The following NUCB1 variants were observed in gnomAD, a reference collection of about 807,000 sequenced individuals.
The protein encoded by NUCB1 is nucleobindin 1.
NUCB1 carries 47 observed loss-of-function variants against 61.2 expected under a neutral mutation model. The ratio of observed to expected loss-of-function variants is 0.77; its 90% CI spans 0.61 to 0.98. NUCB1 has a LOEUF of 0.98. Among genes scored for constraint, NUCB1 ranks in the 50% least tolerant of loss-of-function variants. The pLI, the probability that NUCB1 is intolerant of heterozygous loss-of-function variation, is 0.00. For missense variants in NUCB1, 583 were observed against 605.3 expected (o/e 0.96, Z 0.39); for synonymous variants, 234 against 243.1 (o/e 0.96, Z 0.35).
chr19:48,915,155 A>G (rs2037525000), intron 7 of NUCB1, among the ~76,000 whole-genome samples: 1 of 152,066 alleles, frequency 6.6e-6, no homozygotes. Context: ...GTGATAAAAT[A>G]GAAGAACACA....
chr19:48,904,226 G>T (rs1019685044), intron 2 of NUCB1, 121 bp from the exon 3 acceptor site: 2 of 613,380 alleles, frequency 3.3e-6, no homozygotes, highest in African/African-American at 3.6e-5. Context: ...GCATATGTGG[G>T]AAAAGGTAAA....
At chr19:48,916,171 C>CGTGTGTGTGTGTGTGTGTGTGTGT (rs143557740) in intron 7 of NUCB1, among the ~76,000 whole-genome samples, 5 of 147,788 alleles carry the variant, frequency 3.4e-5, no homozygotes, top group African/African-American at 1.2e-4. Context: ...TGGTATTTGT[C>CGTGTGTGTGTGTGTGTGTGTGTGT]GTGTGTGTGT....
intron 4 of NUCB1, among the ~76,000 whole-genome samples, chr19:48,906,405 A>G (rs972266553): frequency 1.5e-4 from 22 of 147,468 alleles, no homozygotes; most frequent in Non-Finnish European, 2.9e-4. Context: ...CTCTGACTCA[A>G]AAAAAAAAAA....
At chr19:48,919,441 T>C (rs889294978) in intron 10 of NUCB1, among the ~76,000 whole-genome samples, 155 bp downstream of exon 10, 4 of 151,328 alleles carry the variant, frequency 2.6e-5, no homozygotes, top group Admixed American at 1.3e-4. Flanking sequence ...TTTTCCCCTG[T>C]CTCTAGGACT....
rs143797038 is a variant in NUCB1, at chr19:48,908,899, G to A, written c.377-2250G>A. Among the ~76,000 whole-genome samples, 533 of 152,150 alleles carry A rather than the reference G, an allele frequency of 3.5e-3. 4 individuals are homozygous for A. Among genetic ancestry groups the A allele is most frequent in the African/African-American group, 0.012 (513 of 41,504 alleles). On this transcript the variant is annotated intron_variant, in intron 4 of 12. Coordinates refer to ENST00000405315, the MANE Select transcript of NUCB1 (RefSeq NM_006184.6). ...CGTGCGGTAAGTGTGTGTTGGCAGC[G>A]TGTGCGCTGTCCTTTCCTGCCTGGA...
At chr19:48,918,637 C>CCCCA in intron 7 of NUCB1, 89 bp from the exon 8 acceptor site, 1 of 1,017,000 alleles carries the variant, frequency 9.8e-7, no homozygotes, top group African/African-American at 1.6e-5. Context: ...TGATAACAGA[C>CCCCA]CCCACATCAG....
chr19:48,908,287 T>C (rs915984137), intron 4 of NUCB1, among the ~76,000 whole-genome samples: 18 of 152,118 alleles, frequency 1.2e-4, no homozygotes, highest in Admixed American at 6.6e-5. Flanking sequence ...CCCGCCACCA[T>C]ACCTGGCTAA....
chr19:48,922,830 C>T lies in NUCB1; in HGVS notation c.*406C>T, dbSNP rs1329802745. On this transcript the variant is annotated 3_prime_UTR_variant, in exon 13 of 13. Transcript: ENST00000405315. Reference sequence around the variant, plus strand: ...GTATGCCCACAGCTACTGGAATCCCCGCTGCTGCTCCGGGCCAAGCTTCTG... The same window carrying T: ...GTATGCCCACAGCTACTGGAATCCCTGCTGCTGCTCCGGGCCAAGCTTCTG... 4.3e-5 allele frequency: 8 copies of T among 187,246 alleles called. No homozygotes were observed. The highest frequency in any genetic ancestry group is 5.8e-5 in the Admixed American group (1 of 17,362). 11.6% of individuals were successfully genotyped at this position (187,246 alleles called of 1,614,324 possible). A position where few individuals can be genotyped will look rare whatever the true frequency, so the allele number is the denominator to read the frequency against.
intron 2 of NUCB1, among the ~76,000 whole-genome samples, chr19:48,903,408 G>A (rs138618172): frequency 0.011 from 1,036 of 97,676 alleles, 7 homozygotes; most frequent in South Asian, 0.017. Flanking sequence ...ATGGATGGGC[G>A]GGTGGATGGA....
chr19:48,912,388 A>G (rs192271216), intron 5 of NUCB1, among the ~76,000 whole-genome samples: 167 of 152,040 alleles, frequency 1.1e-3, no homozygotes, highest in Non-Finnish European at 2.1e-3. Flanking sequence ...TTCACCACAT[A>G]TGTTGTTCCT....
At chr19:48,920,972 G>T (rs1018246647) in intron 10 of NUCB1, among the ~76,000 whole-genome samples, 182 bp from the exon 11 acceptor site, 6 of 152,146 alleles carry the variant, frequency 3.9e-5, no homozygotes, top group African/African-American at 1.4e-4. Context: ...GGGAGCCATG[G>T]TGCCCGGCCT....
chr19:48,922,386 G>C lies in NUCB1; in HGVS notation c.1348G>C (p.Glu450Gln), dbSNP rs375598721. 3 of 1,613,790 alleles carry C rather than the reference G, an allele frequency of 1.9e-6. No homozygotes were observed. Among genetic ancestry groups the C allele is most frequent in the South Asian group, 1.1e-5 (1 of 91,076 alleles). Residue 450 changes from glutamate (E) to glutamine (Q), a missense_variant, in exon 13 of 13, where the codon GAG (glutamate) becomes CAG (glutamine). Coordinates refer to ENST00000405315, the MANE Select transcript of NUCB1 (RefSeq NM_006184.6). ...EVDTSEKKLLERLPEVEVPQH... is the reference protein window; with the variant it reads ...EVDTSEKKLLQRLPEVEVPQH... ...GGACACTTCAGAAAAGAAACTTCTC[G>C]AGCGGCTCCCTGAGGTTGAGGTGCC...
At chr19:48,903,407 C>CAGGTGGATGGATGGGT (rs2037372959) in intron 2 of NUCB1, among the ~76,000 whole-genome samples, 1 of 55,808 alleles carries the variant, frequency 1.8e-5, no homozygotes, top group Non-Finnish European at 3.1e-5. Flanking sequence ...GATGGATGGG[C>CAGGTGGATGGATGGGT]GGGTGGATGG....
At position 48,922,684 on chromosome 19, in the gene NUCB1, G is replaced by A; in HGVS notation, c.*260G>A. On this transcript the variant is annotated 3_prime_UTR_variant, in exon 13 of 13. Transcript: ENST00000405315. The stretch of plus-strand genomic sequence containing the variant: ...TGTCCAGTGAGGTGCTCAGTGATCG[G>A]CTTAACTTAGAGAAGCCCGCCCCCT... The A allele has an allele frequency of 2.2e-6, 1 of 449,388 alleles. No individual in the cohort carries two copies. 27.8% of individuals were successfully genotyped at this position (449,388 alleles called of 1,614,324 possible).
chr19:48,906,894 A>T (rs1361566492), intron 4 of NUCB1, among the ~76,000 whole-genome samples: 1 of 152,172 alleles, frequency 6.6e-6, no homozygotes, highest in Admixed American at 6.5e-5. Context: ...TACACATTTC[A>T]GTGTGATACT....
chr19:48,905,920 A>AACTGGCGGGGG, intron 4 of NUCB1, 35 bp downstream of exon 4: 1 of 473,426 alleles, frequency 2.1e-6, no homozygotes, highest in Non-Finnish European at 3.9e-6. Context: ...ACAGGCAGGG[A>AACTGGCGGGGG]GGGGTGGGGA....
chr19:48,912,965 G>A lies in NUCB1; in HGVS notation c.481-46G>A, dbSNP rs766566551. ...TGCCATTTACAGGCTGGAATTGGGG[G>A]CTGGGCAGAGGGGGCAGAGGGGAAT... is the stretch of plus-strand genomic sequence containing the variant. On this transcript the variant is annotated intron_variant, in intron 5 of 12. Transcript: ENST00000405315. The A allele has an allele frequency of 2.7e-6, 4 of 1,483,760 alleles. No homozygotes were observed. The East Asian group carries it at 9.3e-5, about 35-fold the overall frequency. 91.9% of individuals were successfully genotyped at this position (1,483,760 alleles called of 1,614,324 possible).
chr19:48,907,628 A>G (rs1428170115), intron 4 of NUCB1, among the ~76,000 whole-genome samples: 1 of 152,128 alleles, frequency 6.6e-6, no homozygotes, highest in East Asian at 1.9e-4. Flanking sequence ...TTAGCCCGGA[A>G]AGGTCACGCA....
chr19:48,913,813 G>A (rs2037507524), intron 7 of NUCB1, among the ~76,000 whole-genome samples: 1 of 152,142 alleles, frequency 6.6e-6, no homozygotes. Flanking sequence ...GGTGTCCTCT[G>A]TAAGCAAACC....
Sources: allele counts gnomAD v4.1 joint callset (sites outside exome capture counted in the v4.1 genomes callset), GRCh38; gene constraint gnomAD v4.1.1; transcripts MANE v1.5; gene names NCBI Gene and HGNC (gene_info 2026-07-23, HGNC 2026-07-21).